MKLN1: variants seen among roughly 807,000 people sequenced by gnomAD.
The protein encoded by MKLN1 is muskelin 1.
A neutral mutation model predicts 99.0 loss-of-function variants in MKLN1; 18 were observed. That is an observed-to-expected ratio of 0.18 (90% CI 0.13 to 0.27). The LOEUF (loss-of-function observed/expected upper bound fraction) is 0.27. Among genes scored for constraint, MKLN1 ranks in the 10% least tolerant of loss-of-function variants. The probability of loss-of-function intolerance (pLI) is 1.00; values close to 1 mark genes in which losing one functional copy is unlikely to be tolerated. For missense variants in MKLN1, 621 were observed against 875.9 expected (o/e 0.71, Z 3.67); for synonymous variants, 288 against 293.2 (o/e 0.98, Z 0.18).
At chr7:131,152,486 G>A (rs1795901390) in intron 2 of MKLN1, among the ~76,000 whole-genome samples, 4 of 144,218 alleles carry the variant, frequency 2.8e-5, no homozygotes, top group South Asian at 4.5e-4. Flanking sequence ...TGTTGTTGTT[G>A]TTGTTTCTTT....
rs565235659 is a variant in MKLN1, at chr7:131,187,799, C to CA, written c.-296-15051dup. Among the ~76,000 whole-genome samples, 27 of 152,048 alleles carry CA rather than the reference C, an allele frequency of 1.8e-4. No individual in the cohort carries two copies. In the South Asian group the frequency reaches 5.2e-3, roughly 29 times the overall value. ...ACCCCGTCTCTACTAAAGGTACACA[C>CA]AAAAAAACTAGCCAGGCATGGTGGC... On this transcript the variant is annotated intron_variant, in intron 2 of 7. Transcript: ENST00000416992.
At chr7:131,383,561 T>G (rs763956604) in intron 2 of MKLN1, among the ~76,000 whole-genome samples, 11 of 152,372 alleles carry the variant, frequency 7.2e-5, no homozygotes, top group East Asian at 3.9e-4. Context: ...ACTGTTGTTT[T>G]AAGACACTGG....
chr7:131,323,825 G>A (rs1798831794), upstream of MKLN1: 1 of 152,188 alleles, frequency 6.6e-6, no homozygotes, highest in African/African-American at 2.4e-5. Flanking sequence ...GATGGCAGCG[G>A]AGTCCTCAAG....
intron 1 of MKLN1, among the ~76,000 whole-genome samples, chr7:131,133,202 A>G (rs1454298925): frequency 6.6e-6 from 1 of 151,690 alleles, no homozygotes; most frequent in African/African-American, 2.4e-5. Context: ...CCATAAAATA[A>G]TTCCTACTCC....
chr7:131,152,978 T>C (rs1584794591), intron 2 of MKLN1, among the ~76,000 whole-genome samples: 3 of 151,780 alleles, frequency 2.0e-5, no homozygotes, highest in African/African-American at 7.2e-5. Flanking sequence ...ATTCCTATGA[T>C]ATAGCTCAAC....
chr7:131,169,512 A>C (rs1796186524), intron 2 of MKLN1, among the ~76,000 whole-genome samples: 1 of 152,230 alleles, frequency 6.6e-6, no homozygotes, highest in South Asian at 2.1e-4. Flanking sequence ...AGTAACTAAA[A>C]CTAATTTTAT....
chr7:131,245,922 G>A (rs1014365745), intron 3 of MKLN1, among the ~76,000 whole-genome samples: 7 of 152,206 alleles, frequency 4.6e-5, no homozygotes, highest in African/African-American at 1.7e-4. Context: ...GGACCTCAGA[G>A]ACCATCCTGT....
At chr7:131,224,561 A>G (rs1316250906) in intron 3 of MKLN1, among the ~76,000 whole-genome samples, 1 of 151,992 alleles carries the variant, frequency 6.6e-6, no homozygotes, top group Non-Finnish European at 1.5e-5. Flanking sequence ...TAATAATAAT[A>G]AAATAAAATA....
At chr7:131,367,252 A>T (rs2116822632) in intron 1 of MKLN1, among the ~76,000 whole-genome samples, 1 of 152,288 alleles carries the variant, frequency 6.6e-6, no homozygotes, top group South Asian at 2.1e-4. Context: ...TATTAAACTA[A>T]CCTGATGGAA....
chr7:131,375,970 A>G (rs1793633840), intron 2 of MKLN1, among the ~76,000 whole-genome samples: 1 of 150,234 alleles, frequency 6.7e-6, no homozygotes, highest in Admixed American at 6.6e-5. Flanking sequence ...TGCGTTCAGC[A>G]TTAATATTTA....
At chr7:131,440,619 G>A (rs908078608) in intron 10 of MKLN1, among the ~76,000 whole-genome samples, 12 of 152,086 alleles carry the variant, frequency 7.9e-5, no homozygotes, top group Non-Finnish European at 1.6e-4. Context: ...TACAAAGAGC[G>A]TAAAGAAGAA....
At chr7:131,349,265 G>A (rs1279936424) in intron 1 of MKLN1, among the ~76,000 whole-genome samples, 1 of 151,028 alleles carries the variant, frequency 6.6e-6, no homozygotes, top group Non-Finnish European at 1.5e-5. Context: ...GCACGATCTC[G>A]GCTCACTGCA....
At chr7:131,351,703 A>G (rs1799724334) in intron 1 of MKLN1, among the ~76,000 whole-genome samples, 2 of 152,062 alleles carry the variant, frequency 1.3e-5, no homozygotes, top group Admixed American at 6.6e-5. Context: ...GCCTCAAGCA[A>G]TCCTCCCACA....
In MKLN1 at chr7:131,479,830, A is replaced by T. The variant is rs577927240; in HGVS notation, c.2086+1153A>T. Among the ~76,000 whole-genome samples, 119 of 138,520 alleles carry T rather than the reference A, an allele frequency of 8.6e-4. 1 individual carries two copies. Among genetic ancestry groups the T allele is most frequent in the Admixed American group, 2.5e-3 (33 of 13,120 alleles). The allele number at this position is 138,520 out of a possible 152,430, so 90.9% of individuals were successfully genotyped here. A position where few individuals can be genotyped will look rare whatever the true frequency, so the allele number is the denominator to read the frequency against. ...CGACAGAGTGAGACTCCGTCTCAAA[A>T]AATAATAATAATAATAAATTTAAAT... is the stretch of plus-strand genomic sequence containing the variant. On this transcript the variant is annotated intron_variant, in intron 17 of 17. Coordinates refer to ENST00000352689, the MANE Select transcript of MKLN1 (RefSeq NM_013255.5).
intron 3 of MKLN1, among the ~76,000 whole-genome samples, chr7:131,275,559 ATATATATATTTTTTTTTTTTTTT>A (rs1447333943): frequency 6.9e-5 from 1 of 14,476 alleles, no homozygotes; most frequent in African/African-American, 4.3e-4. Context: ...ATATATATAT[ATATATATATTTTTTTTTTTTTTT>A]TTTTTTTTTT....
chr7:131,171,830 A>G (rs1239107148), intron 2 of MKLN1, among the ~76,000 whole-genome samples: 1 of 152,240 alleles, frequency 6.6e-6, no homozygotes, highest in African/African-American at 2.4e-5. Context: ...ACATTGACAA[A>G]GAACAGATAG....
chr7:131,143,512 A>G (rs1795771159), intron 2 of MKLN1, among the ~76,000 whole-genome samples: 1 of 152,034 alleles, frequency 6.6e-6, no homozygotes, highest in Non-Finnish European at 1.5e-5. Flanking sequence ...ATATTTTCTA[A>G]AGTGACTTCA....
At chr7:131,425,620 C>G (rs1176626439) in intron 8 of MKLN1, among the ~76,000 whole-genome samples, 1 of 152,102 alleles carries the variant, frequency 6.6e-6, no homozygotes, top group Non-Finnish European at 1.5e-5. Flanking sequence ...CCTCAAAGTG[C>G]TGGGAGAAAT....
chr7:131,143,084 A>G, intron 2 of MKLN1: 1 of 441,214 alleles, frequency 2.3e-6, no homozygotes, highest in Non-Finnish European at 4.2e-6. Flanking sequence ...TTGTTTTCAC[A>G]ATGTTTGAAT....
Sources: allele counts gnomAD v4.1 joint callset (sites outside exome capture counted in the v4.1 genomes callset), GRCh38; gene constraint gnomAD v4.1.1; transcripts MANE v1.5; gene names NCBI Gene and HGNC (gene_info 2026-07-23, HGNC 2026-07-21).